Variants in RBM44 observed in about 807,000 individuals in gnomAD.
RBM44 encodes RNA binding motif protein 44, also known as RNA-binding protein 44.
RBM44 carries 66 observed loss-of-function variants against 105.1 expected under a neutral mutation model. The ratio of observed to expected loss-of-function variants is 0.63; its 90% CI spans 0.52 to 0.77. The LOEUF is 0.77. Among genes scored for constraint, RBM44 ranks in the 30% least tolerant of loss-of-function variants. The pLI is 0.00. For synonymous variants in RBM44, 365 were observed against 417.6 expected (o/e 0.87, Z 1.54); for missense variants, 1,122 against 1,207.8 (o/e 0.93, Z 1.05).
intron 15 of RBM44, among the ~76,000 whole-genome samples, chr2:237,836,649 G>A (rs888819151): frequency 4.6e-5 from 7 of 151,954 alleles, no homozygotes; most frequent in South Asian, 2.1e-4. Context: ...GCGTGGTGGC[G>A]TGCACCTATA....
At chr2:237,807,562 T>A (rs1228421225) in intron 1 of RBM44, among the ~76,000 whole-genome samples, 1 of 152,230 alleles carries the variant, frequency 6.6e-6, no homozygotes. Flanking sequence ...AGCCTAGCAT[T>A]ACAAACAACT....
intron 13 of RBM44, among the ~76,000 whole-genome samples, chr2:237,832,156 CT>C (rs1298405099): frequency 0.016 from 2,175 of 140,086 alleles, 19 homozygotes; most frequent in African/African-American, 0.042. Flanking sequence ...TAATTTCAGT[CT>C]TTTTTTTTTT....
chr2:237,808,482 A>G (rs2061621824), intron 1 of RBM44, among the ~76,000 whole-genome samples: 2 of 122,678 alleles, frequency 1.6e-5, no homozygotes, highest in South Asian at 4.8e-4. Flanking sequence ...AGCATAACAG[A>G]AAAAAAAAAA....
At chr2:237,840,187 CAA>C (rs34666443) in intron 15 of RBM44, among the ~76,000 whole-genome samples, 17,390 of 63,078 alleles carry the variant, frequency 0.28, 760 homozygotes, top group Admixed American at 0.36. Flanking sequence ...GACTCTATCT[CAA>C]AAAAAAAAAA....
chr2:237,835,772 T>A (rs1289963888), intron 15 of RBM44, among the ~76,000 whole-genome samples: 1 of 152,006 alleles, frequency 6.6e-6, no homozygotes, highest in African/African-American at 2.4e-5. Context: ...CCATCTTTTT[T>A]TTTTTTTCCT....
intron 1 of RBM44, among the ~76,000 whole-genome samples, chr2:237,806,262 T>TA (rs2061598572): frequency 6.6e-6 from 1 of 152,198 alleles, no homozygotes; most frequent in Admixed American, 6.5e-5. Context: ...TTTTCTTAGA[T>TA]ACGTCTAAGA....
intron 8 of RBM44, 73 bp from the exon 9 acceptor site, chr2:237,823,367 G>A: frequency 1.5e-6 from 1 of 676,322 alleles, no homozygotes; most frequent in Non-Finnish European, 2.5e-6. Flanking sequence ...TGCCAGTGAA[G>A]AGTACCTGTC....
At position 237,817,120 on chromosome 2, in the gene RBM44, A is replaced by C. The variant is rs765743781; in HGVS notation, c.201A>C (p.Glu67Asp). The change falls in exon 3 of 16, where the codon GAA becomes GAC. Residue 67 changes from glutamate to aspartate, a missense_variant. Glu to Asp is a conservative substitution (Grantham distance 45, BLOSUM62 2). Coordinates refer to ENST00000316997, the MANE Select transcript of RBM44 (RefSeq NM_001080504.3). ...TAGAGCAAAGAGCTAATAATAAAGA[A>C]ATCAGCAATATTGACAAAATGGATT... ...STLEQRANNKEISNIDKMDLL... is the reference protein window; with the variant it reads ...STLEQRANNKDISNIDKMDLL... 6.2e-7 allele frequency: 1 copy of C among 1,609,356 alleles called. No homozygotes were observed. The highest frequency in any genetic ancestry group is 1.1e-5 in the South Asian group (1 of 90,538).
Position 237,829,369 on chromosome 2 carries a change from G to T in RBM44, c.2753G>T (p.Arg918Ile), listed in dbSNP as rs1306524885. The T allele has an allele frequency of 6.2e-7, 1 of 1,613,672 alleles. No individual in the cohort carries two copies. Among genetic ancestry groups the T allele is most frequent in the Non-Finnish European group, 8.5e-7 (1 of 1,179,686 alleles). ...TSPLSSKNGN[R>I]ISSNNLEKST... The stretch of plus-strand genomic sequence containing the variant: ...CCACTTTCCTCCAAAAATGGGAATA[G>T]AATTAGTTCGAATAATTTAGAGAAA... The change falls in exon 13 of 16, where the codon AGA becomes ATA. Residue 918 changes from arginine to isoleucine, a missense_variant. By Grantham distance (97) the Arg-to-Ile change is moderately conservative. Transcript: ENST00000316997.
At chr2:237,831,497 C>T (rs1221492417) in intron 13 of RBM44, among the ~76,000 whole-genome samples, 2 of 152,016 alleles carry the variant, frequency 1.3e-5, no homozygotes, top group Non-Finnish European at 2.9e-5. Flanking sequence ...TGGCCAGGCT[C>T]ATCTTGAATT....
rs746380824 is a variant in RBM44, at chr2:237,824,316, C to T, written c.2346C>T (p.Ser782=). Residue 782 remains serine, a synonymous_variant, in exon 10 of 16, where the codon AGC becomes AGT. Coordinates refer to ENST00000316997, the MANE Select transcript of RBM44 (RefSeq NM_001080504.3). ...DKDCRHYQET[S]EDWSDAKESL... is the part of the protein sequence containing the mutation. ...ACTGCAGACATTACCAAGAGACAAG[C>T]GAAGACTGGTCTGATGCTAAAGAGA... The T allele has an allele frequency of 1.1e-5, 18 of 1,612,522 alleles. No homozygotes were observed. The East Asian group carries it at 2.0e-4, about 18-fold the overall frequency.
Position 237,834,437 on chromosome 2 carries a change from A to T in RBM44, c.*22+14A>T. The T allele has an allele frequency of 7.6e-7, 1 of 1,315,482 alleles. No homozygotes were observed. Among genetic ancestry groups the T allele is most frequent in the Non-Finnish European group, 1.0e-6 (1 of 979,908 alleles). The allele number at this position is 1,315,482 out of a possible 1,614,324, so 81.5% of individuals were successfully genotyped here. A position where few individuals can be genotyped will look rare whatever the true frequency, so the allele number is the denominator to read the frequency against. ...AACAATAAAGAGGTAAAGTAATCAT[A>T]TTCTTTTGTATTTGAATATTACTTA... On this transcript the variant is annotated intron_variant, in intron 15 of 15. Coordinates refer to ENST00000316997, the MANE Select transcript of RBM44 (RefSeq NM_001080504.3).
chr2:237,834,273 C>G lies in RBM44; in HGVS notation c.3033-5C>G. On this transcript the variant is annotated splice_region_variant and splice_polypyrimidine_tract_variant and intron_variant, in intron 14 of 15. Coordinates refer to ENST00000316997, the MANE Select transcript of RBM44 (RefSeq NM_001080504.3). Reference sequence around the variant, plus strand: ...AATACTCATGTATGTTTTCCTTTTTCATAGAGACCATATTATAAATGCACT... The same window carrying G: ...AATACTCATGTATGTTTTCCTTTTTGATAGAGACCATATTATAAATGCACT... 1 of 1,562,566 alleles carries G rather than the reference C, an allele frequency of 6.4e-7. No homozygotes were observed. Among genetic ancestry groups the G allele is most frequent in the Non-Finnish European group, 8.7e-7 (1 of 1,156,014 alleles).
At chr2:237,805,072 T>C (rs1576495247) in intron 1 of RBM44, among the ~76,000 whole-genome samples, 2 of 152,348 alleles carry the variant, frequency 1.3e-5, no homozygotes, top group South Asian at 2.1e-4. Context: ...GCAGACTATA[T>C]GATTCTATAC....
At chr2:237,816,915 C>A in intron 2 of RBM44, 78 bp from the exon 3 acceptor site, 1 of 890,366 alleles carries the variant, frequency 1.1e-6, no homozygotes, top group Non-Finnish European at 1.6e-6. Flanking sequence ...AGAGCTTAAA[C>A]CAGATCATGT....
chr2:237,839,134 A>T (rs1576520394), intron 15 of RBM44, among the ~76,000 whole-genome samples: 1 of 152,206 alleles, frequency 6.6e-6, no homozygotes, highest in African/African-American at 2.4e-5. Flanking sequence ...CTTTCTAAGG[A>T]TGGCAGTCTT....
intron 15 of RBM44, among the ~76,000 whole-genome samples, chr2:237,836,948 A>G (rs1312556509): frequency 6.6e-6 from 1 of 152,080 alleles, no homozygotes; most frequent in Admixed American, 6.5e-5. Flanking sequence ...TAGTTTACTG[A>G]ATCCCTGGAC....
At chr2:237,839,849 G>A (rs2061993829) in intron 15 of RBM44, among the ~76,000 whole-genome samples, 1 of 152,118 alleles carries the variant, frequency 6.6e-6, no homozygotes, top group Admixed American at 6.6e-5. Context: ...TGAAAAGGCA[G>A]CCCATAGAAT....
chr2:237,823,154 C>T (rs2061811604), intron 8 of RBM44, among the ~76,000 whole-genome samples: 2 of 151,662 alleles, frequency 1.3e-5, no homozygotes, highest in Admixed American at 1.3e-4. Context: ...AAAATTATCT[C>T]GATTACTTCT....
Sources: allele counts gnomAD v4.1 joint callset (sites outside exome capture counted in the v4.1 genomes callset), GRCh38; gene constraint gnomAD v4.1.1; transcripts MANE v1.5; gene names NCBI Gene and HGNC (gene_info 2026-07-23, HGNC 2026-07-21).